Variants in NPAS3 observed in about 807,000 individuals in gnomAD.
NPAS3 encodes neuronal PAS domain-containing protein 3.
Under a neutral mutation model 73.1 loss-of-function variants are expected in NPAS3, and 14 were observed. The observed-to-expected ratio is 0.19, with a 90% CI of 0.13 to 0.30. The LOEUF (loss-of-function observed/expected upper bound fraction) is 0.30, where lower values mean the gene tolerates loss of function less well. NPAS3 is among the 10% of genes least tolerant of loss of function. The pLI, the probability that NPAS3 is intolerant of heterozygous loss-of-function variation, is 1.00. For missense variants in NPAS3, 1,096 were observed against 1,250.0 expected, an observed-to-expected ratio of 0.88 and a Z score of 1.86; for synonymous variants, 620 against 541.5, an observed-to-expected ratio of 1.14 and a Z score of -2.01.
intron 7 of NPAS3, among the ~76,000 whole-genome samples, chr14:33,742,248 A>G (rs2140695682): frequency 6.6e-6 from 1 of 152,256 alleles, no homozygotes; most frequent in East Asian, 1.9e-4. Flanking sequence ...TTTCTGTTTC[A>G]CTAAAGTAAT....
chr14:32,985,328 A>G (rs2038054611), intron 1 of NPAS3, among the ~76,000 whole-genome samples: 1 of 152,310 alleles, frequency 6.6e-6, no homozygotes, highest in East Asian at 1.9e-4. Flanking sequence ...TTTAGAGGCT[A>G]TGGAACATTT....
chr14:33,274,385 C>G (rs1212177738), intron 3 of NPAS3, among the ~76,000 whole-genome samples: 4 of 152,298 alleles, frequency 2.6e-5, no homozygotes, highest in Admixed American at 2.6e-4. Context: ...TGCTCTTTTC[C>G]TAGCCTGTAT....
At chr14:32,987,613 T>A (rs1190440360) in intron 1 of NPAS3, among the ~76,000 whole-genome samples, 1 of 152,200 alleles carries the variant, frequency 6.6e-6, no homozygotes, top group Non-Finnish European at 1.5e-5. Flanking sequence ...TGCTGTGGTC[T>A]TTATAAAACA....
intron 2 of NPAS3, among the ~76,000 whole-genome samples, chr14:33,092,863 T>A (rs1210939971): frequency 1.3e-5 from 2 of 152,170 alleles, no homozygotes; most frequent in East Asian, 1.9e-4. Context: ...AAACAACAAA[T>A]GGGGAAAAGA....
At chr14:33,722,360 AG>A (rs543424333) in intron 6 of NPAS3, among the ~76,000 whole-genome samples, 4 of 152,140 alleles carry the variant, frequency 2.6e-5, no homozygotes, top group Admixed American at 6.5e-5. Flanking sequence ...ACTTAAGGAA[AG>A]GGGGGGTAAT....
At chr14:32,956,527 C>T (rs748895035) in intron 1 of NPAS3, among the ~76,000 whole-genome samples, 5 of 152,152 alleles carry the variant, frequency 3.3e-5, no homozygotes, top group Non-Finnish European at 5.9e-5. Context: ...GAACTTAACA[C>T]ATTAAAAGAA....
rs893340353 is a variant in NPAS3, at chr14:33,535,292, T to G, written c.469-24829T>G. Among the ~76,000 whole-genome samples, 29 of 152,210 alleles carry G rather than the reference T, an allele frequency of 1.9e-4. 1 individual carries two copies. The highest frequency in any genetic ancestry group is 8.8e-5 in the Non-Finnish European group (6 of 68,034). ...CAGTACCCTTAGGCATATGACTTTC[T>G]AAATAGGCGCAAAATGTATTTGACT... is the stretch of plus-strand genomic sequence containing the variant. On this transcript the variant is annotated intron_variant, in intron 4 of 11. Transcript: ENST00000356141.
chr14:33,757,007 G>A (rs1010943947), intron 7 of NPAS3, among the ~76,000 whole-genome samples: 5 of 152,222 alleles, frequency 3.3e-5, no homozygotes, highest in Non-Finnish European at 4.4e-5. Flanking sequence ...GGTGGGGCAT[G>A]GGGAAGGAAT....
chr14:33,551,344 C>T (rs1484091727), intron 4 of NPAS3, among the ~76,000 whole-genome samples: 5 of 152,112 alleles, frequency 3.3e-5, no homozygotes, highest in Non-Finnish European at 1.5e-5. Flanking sequence ...TAAAGAAATA[C>T]CTGTACAAAG....
At chr14:33,205,410 A>G (rs924355948) in intron 2 of NPAS3, among the ~76,000 whole-genome samples, 1 of 152,162 alleles carries the variant, frequency 6.6e-6, no homozygotes, top group Non-Finnish European at 1.5e-5. Context: ...AAGGTTTTCT[A>G]TAAGTTAGCA....
chr14:33,641,740 A>C (rs2058681282), intron 5 of NPAS3, among the ~76,000 whole-genome samples: 1 of 152,048 alleles, frequency 6.6e-6, no homozygotes, highest in Non-Finnish European at 1.5e-5. Flanking sequence ...GTCTCCTGAC[A>C]CTTCCTTTCA....
At chr14:33,557,173 C>T (rs892822611) in intron 4 of NPAS3, among the ~76,000 whole-genome samples, 5 of 96,396 alleles carry the variant, frequency 5.2e-5, no homozygotes, top group African/African-American at 1.0e-4. Flanking sequence ...AGTGAGGTTC[C>T]GCTATACTAC....
intron 2 of NPAS3, among the ~76,000 whole-genome samples, chr14:33,204,276 A>G (rs767068591): frequency 1.3e-5 from 2 of 152,216 alleles, no homozygotes; most frequent in African/African-American, 2.4e-5. Flanking sequence ...TCCGTGCCAC[A>G]TAAAAACATT....
chr14:33,099,266 A>C (rs183206213), intron 2 of NPAS3, among the ~76,000 whole-genome samples: 1 of 152,322 alleles, frequency 6.6e-6, no homozygotes, highest in African/African-American at 2.4e-5. Flanking sequence ...ACCGTCATAC[A>C]TTTGATACTA....
At chr14:33,024,459 C>T (rs754682899) in intron 1 of NPAS3, among the ~76,000 whole-genome samples, 11 of 152,044 alleles carry the variant, frequency 7.2e-5, no homozygotes, top group Non-Finnish European at 1.2e-4. Context: ...CGTGAGCCAC[C>T]GCGCCTGGCC....
At position 33,446,566 on chromosome 14, in the gene NPAS3, C is replaced by CG. The variant is rs2049517800; in HGVS notation, c.468+79300dup. On this transcript the variant is annotated intron_variant, in intron 4 of 11. Coordinates refer to ENST00000356141, the Ensembl canonical transcript of NPAS3. ...AGATAGTTGTATCTCATTCCTCCCT[C>CG]GGAAGAGATGGAGAAAAACTTGTTA... 3.3e-5 allele frequency among the ~76,000 whole-genome samples: 5 copies of CG among 152,310 alleles called. No individual in the cohort carries two copies. The South Asian group carries it at 1.0e-3, about 32-fold the overall frequency.
intron 6 of NPAS3, among the ~76,000 whole-genome samples, chr14:33,691,379 T>G (rs1050379966): frequency 2.0e-5 from 3 of 152,220 alleles, no homozygotes; most frequent in African/African-American, 7.2e-5. Context: ...ATTAATAATT[T>G]CACAATGCCG....
chr14:33,045,000 A>T (rs1194492087), intron 1 of NPAS3, among the ~76,000 whole-genome samples: 1 of 151,986 alleles, frequency 6.6e-6, no homozygotes, highest in South Asian at 2.1e-4. Context: ...TCTTGTCTGC[A>T]TGGAGAAAGC....
chr14:33,453,159 C>A (rs1216740791), intron 4 of NPAS3, among the ~76,000 whole-genome samples: 1 of 152,170 alleles, frequency 6.6e-6, no homozygotes. Context: ...GCCCCCGCTG[C>A]TCAGTGAGGT....
Sources: gnomAD v4.1 joint callset for allele counts (sites outside exome capture counted in the v4.1 genomes callset) on GRCh38, gnomAD v4.1.1 for gene constraint, MANE v1.5 for transcripts, NCBI Gene and HGNC (gene_info 2026-07-23, HGNC 2026-07-21) for gene names.